NCOR2: variants seen among roughly 807,000 people sequenced by gnomAD.
NCOR2 encodes nuclear receptor corepressor 2, also known as CTG repeat protein 26.
NCOR2 carries 81 observed loss-of-function variants against 262.9 expected under a neutral mutation model. The ratio of observed to expected loss-of-function variants is 0.31; its 90% CI spans 0.26 to 0.37. The LOEUF (loss-of-function observed/expected upper bound fraction) is 0.37, where lower values mean the gene tolerates loss of function less well. Among genes scored for constraint, NCOR2 ranks in the 10% least tolerant of loss-of-function variants. The pLI is 1.00. For synonymous variants in NCOR2, 1,659 were observed against 1,559.3 expected (o/e 1.06, Z -1.51); for missense variants, 3,385 against 3,621.4 (o/e 0.93, Z 1.68).
chr12:124,339,383 C>CCTAT (rs1377646833), intron 37 of NCOR2, among the ~76,000 whole-genome samples: 5 of 146,792 alleles, frequency 3.4e-5, no homozygotes, highest in Admixed American at 1.4e-4. Flanking sequence ...TACCTACCTA[C>CCTAT]CTACCTACCT....
chr12:124,564,846 G>C (rs1231533506), intron 1 of NCOR2, among the ~76,000 whole-genome samples: 3 of 151,942 alleles, frequency 2.0e-5, no homozygotes, highest in African/African-American at 7.3e-5. Flanking sequence ...CAGACGCTGG[G>C]GGCCAGGACT....
At chr12:124,561,301 G>A (rs1169584039) in intron 1 of NCOR2, among the ~76,000 whole-genome samples, 1 of 152,134 alleles carries the variant, frequency 6.6e-6, no homozygotes, top group Non-Finnish European at 1.5e-5. Context: ...AGCCACAAGT[G>A]GCTACTCAAA....
rs542983112 is a variant in NCOR2 at position 124,487,827 on chromosome 12, A to G, written c.106-1259T>C. ...CTCAATATCAACAAATTAGATGTAT[A>G]CCAATTGCCAAGTACACCCAGATTT... On this transcript the variant is annotated intron_variant, in intron 1 of 46. Coordinates refer to ENST00000405201, the Ensembl canonical transcript of NCOR2. 2.0e-5 allele frequency among the ~76,000 whole-genome samples: 3 copies of G among 152,016 alleles called. No individual in the cohort carries two copies. The East Asian group carries it at 5.8e-4, about 29-fold the overall frequency.
chr12:124,447,755 G>A (rs1322033079), intron 7 of NCOR2, among the ~76,000 whole-genome samples: 1 of 151,506 alleles, frequency 6.6e-6, no homozygotes, highest in African/African-American at 2.4e-5. Flanking sequence ...GGAGTACAGT[G>A]GTGCAATCAC....
intron 1 of NCOR2, among the ~76,000 whole-genome samples, chr12:124,487,239 A>C (rs1442280742): frequency 1.3e-5 from 2 of 152,200 alleles, no homozygotes; most frequent in African/African-American, 4.8e-5. Flanking sequence ...CGCCAGGAGA[A>C]GGATGGATGG....
At position 124,425,669 on chromosome 12, in the gene NCOR2, GC is replaced by G. The variant is rs1354500066; in HGVS notation, c.1328+952del. On this transcript the variant is annotated intron_variant, in intron 11 of 46. Coordinates refer to ENST00000405201, the Ensembl canonical transcript of NCOR2. ...TCGCAGATTCTCACTGTGGGGTTTG[GC>G]CCCCTCAGACACAGCTTTTGAGAGA... Among the ~76,000 whole-genome samples the G allele has an allele frequency of 3.9e-5, 6 of 152,228 alleles. 1 individual carries two copies. The highest frequency in any genetic ancestry group is 1.4e-4 in the African/African-American group (6 of 41,542).
rs143351572 is a variant in NCOR2, at chr12:124,377,810, G to A, written c.2167+427C>T. Among the ~76,000 whole-genome samples the A allele has an allele frequency of 7.5e-3, 1,125 of 150,488 alleles. 18 individuals carry two copies. The highest frequency in any genetic ancestry group is 0.026 in the African/African-American group (1,061 of 40,766). ...GCCGTGATCACGTCACTGCACTCCA[G>A]CCTGGGCGACAGAGCAAGACTCCGT... On this transcript the variant is annotated intron_variant, in intron 18 of 46. Transcript: ENST00000405201.
chr12:124,431,101 TCAGA>T (rs1231132493), intron 8 of NCOR2, among the ~76,000 whole-genome samples: 12 of 141,166 alleles, frequency 8.5e-5, no homozygotes, highest in African/African-American at 2.6e-4. Flanking sequence ...ACACATACAG[TCAGA>T]CAGATATACA....
chr12:124,430,681 C>G, exon 9 of NCOR2: 1 of 1,614,154 alleles, frequency 6.2e-7, no homozygotes. Context: ...GTAGTACTCG[C>G]GCACCTTGCT....
Position 124,428,086 on chromosome 12 carries a change from T to TGTGTGTGTGTGTGTGTGTGTGTGTGTGC in NCOR2, c.1150-1287_1150-1286insGCACACACACACACACACACACACACAC, listed in dbSNP as rs958627720. ...GTGTGTGTGTGTGTGTGTGTGTGTG[T>TGTGTGTGTGTGTGTGTGTGTGTGTGTGC]GTACATGCAACAATCAGCCCAGGTG... On this transcript the variant is annotated intron_variant, in intron 10 of 46. Transcript: ENST00000405201. 2.2e-3 allele frequency among the ~76,000 whole-genome samples: 329 copies of TGTGTGTGTGTGTGTGTGTGTGTGTGTGC among 147,142 alleles called. 8 individuals are homozygous for TGTGTGTGTGTGTGTGTGTGTGTGTGTGC. The highest frequency in any genetic ancestry group is 3.5e-3 in the Non-Finnish European group (231 of 66,300).
chr12:124,437,126 AAATGT>A (rs1438518110), intron 8 of NCOR2, among the ~76,000 whole-genome samples: 6 of 150,138 alleles, frequency 4.0e-5, no homozygotes, highest in Non-Finnish European at 2.9e-5. Context: ...AAATGAAATG[AAATGT>A]AATGAAATGA....
rs537500645 is a variant in NCOR2 at position 124,406,530 on chromosome 12, T to G, written c.1483-3969A>C. 2.0e-5 allele frequency among the ~76,000 whole-genome samples: 3 copies of G among 152,214 alleles called. No homozygotes were observed. In the South Asian group the frequency reaches 6.2e-4, roughly 32 times the overall value. ...GCCTGTGGGCACCATTCCCTCAACG[T>G]GAGGGGACTGAAAGGAGAATCAGAA... On this transcript the variant is annotated intron_variant, in intron 13 of 46. Coordinates refer to ENST00000405201, the Ensembl canonical transcript of NCOR2.
chr12:124,354,003 C>T (rs1283582413), intron 27 of NCOR2, 90 bp downstream of exon 29: 2 of 1,192,092 alleles, frequency 1.7e-6, no homozygotes, highest in Non-Finnish European at 2.4e-6. Flanking sequence ...TCGGCTGAGG[C>T]TAATGGTTTG....
In NCOR2 at chr12:124,483,890, C is replaced by A. The variant is rs1593765814; in HGVS notation, c.234-117G>T. ...GCGCGCCGTGCTCTGTATGATCCTG[C>A]CAGGAAGGTGCTCACAGGAGCCCAC... On this transcript the variant is annotated intron_variant, in intron 2 of 46. Transcript: ENST00000405201. This position sits in a 1 kb window ranked among gnomAD's most constrained non-coding sequence, Gnocchi z 6.3. 1.6e-6 allele frequency: 2 copies of A among 1,246,304 alleles called. No homozygotes were observed. Among genetic ancestry groups the A allele is most frequent in the African/African-American group, 1.5e-5 (1 of 64,722 alleles). The allele number at this position is 1,246,304 out of a possible 1,614,324, so 77.2% of individuals were successfully genotyped here. A position where few individuals can be genotyped will look rare whatever the true frequency, so the allele number is the denominator to read the frequency against.
At chr12:124,384,791 C>T (rs995629343) in intron 17 of NCOR2, among the ~76,000 whole-genome samples, 4 of 151,878 alleles carry the variant, frequency 2.6e-5, no homozygotes, top group South Asian at 2.1e-4. Flanking sequence ...CAAGGCAGCC[C>T]GATGTCATGG....
rs2049888950 is a variant in NCOR2, at chr12:124,517,546, GCTGC to G, written c.-118+18015_-118+18018del. 6.6e-6 allele frequency among the ~76,000 whole-genome samples: 1 copy of G among 152,158 alleles called. No homozygotes were observed. Among genetic ancestry groups the G allele is most frequent in the African/African-American group, 2.4e-5 (1 of 41,448 alleles). On this transcript the variant is annotated intron_variant, in intron 1 of 46. Transcript: ENST00000404621. The surrounding 1 kb of genome is among the most constrained non-coding windows in gnomAD (Gnocchi z 7.6). ...CCGGGCGCCGGGGCCGGGCTGCAGCGCTGCCTGCACCTGGCTCTCCCCTGCCTGA... is the reference window on the plus strand; with the variant it reads ...CCGGGCGCCGGGGCCGGGCTGCAGCGCTGCACCTGGCTCTCCCCTGCCTGA...
At chr12:124,513,524 A>C (rs948281101) in intron 1 of NCOR2, 1 of 152,242 alleles carries the variant, frequency 6.6e-6, no homozygotes, top group African/African-American at 2.4e-5. Context: ...TTAACATGCT[A>C]AGCATGACCT....
At chr12:124,329,037 C>T (rs117604817) in intron 44 of NCOR2, 4,949 of 456,090 alleles carry the variant, frequency 0.011, 36 homozygotes, top group Non-Finnish European at 0.016. Flanking sequence ...CCCAAGGCCA[C>T]GAGTCCGTGA....
At chr12:124,497,000 G>A (rs753548689), upstream of NCOR2, among the ~76,000 whole-genome samples, 4 of 152,242 alleles carry the variant, frequency 2.6e-5, no homozygotes, top group Admixed American at 6.5e-5. This position sits in a 1 kb window ranked among gnomAD's most constrained non-coding sequence, Gnocchi z 4.4. Flanking sequence ...AAGGCAGGGC[G>A]AAAGGGCGGT....
Sources: gnomAD v4.1 joint callset for allele counts (sites outside exome capture counted in the v4.1 genomes callset) on GRCh38, gnomAD v4.1.1 for gene constraint, Gnocchi (gnomAD v3.1) non-coding constraint, MANE v1.5 for transcripts, NCBI Gene and HGNC (gene_info 2026-07-23, HGNC 2026-07-21) for gene names.